The following COL4A3 variants were observed in gnomAD, a reference collection of about 807,000 sequenced individuals.
COL4A3 encodes collagen type IV alpha 3 chain, also known as collagen alpha-3(IV) chain.
In COL4A3, 135 loss-of-function variants were observed where a neutral mutation model predicts 217.4. That is an observed-to-expected ratio of 0.62 (90% CI 0.54 to 0.72). COL4A3 has a LOEUF of 0.72. Ranked by LOEUF, COL4A3 falls within the 30% of genes least tolerant of loss-of-function variation. COL4A3 has a pLI of 0.00. For synonymous variants in COL4A3, 690 were observed against 736.3 expected (o/e 0.94, Z 1.02); for missense variants, 1,868 against 2,119.9 (o/e 0.88, Z 2.33).
At chr2:227,247,459 G>A in intron 7 of COL4A3, 99 bp from the exon 8 acceptor site, 1 of 1,084,930 alleles carries the variant, frequency 9.2e-7, no homozygotes, top group South Asian at 1.2e-5. Context: ...GGTGTACAGT[G>A]GGGAGAGGAT....
chr2:227,270,935 G>A lies in COL4A3; in HGVS notation c.1741G>A (p.Gly581Arg). 1 of 1,614,092 alleles carries A rather than the reference G, an allele frequency of 6.2e-7. No homozygotes were observed. Among genetic ancestry groups the A allele is most frequent in the Non-Finnish European group, 8.5e-7 (1 of 1,180,006 alleles). The part of the protein sequence containing the change: ...PGTPGVKGLP[G>R]PKGELALSGE... ...AACTCCGGGAGTGAAAGGATTACCA[G>A]GACCTAAAGGCGAACTGGTTGGTAT... The change falls in exon 25 of 52, where the codon GGA becomes AGA. Residue 581 changes from glycine to arginine, a missense_variant. Gly to Arg is a moderately radical substitution (Grantham distance 125). Coordinates refer to ENST00000396578, the MANE Select transcript of COL4A3 (RefSeq NM_000091.5).
At chr2:227,285,867 C>T (rs1262556569) in intron 34 of COL4A3, among the ~76,000 whole-genome samples, 1 of 152,154 alleles carries the variant, frequency 6.6e-6, no homozygotes, top group Non-Finnish European at 1.5e-5. Flanking sequence ...CCAAGGGACA[C>T]AGATTGAAGA....
chr2:227,222,170 ATG>A (rs1559840008), intron 1 of COL4A3, among the ~76,000 whole-genome samples: 3,414 of 68,446 alleles, frequency 0.05, 62 homozygotes, highest in African/African-American at 0.089. Context: ...AATAATGATA[ATG>A]ATAATAAAAA....
At chr2:227,300,695 G>T (rs554477248) in intron 43 of COL4A3, among the ~76,000 whole-genome samples, 75 of 152,298 alleles carry the variant, frequency 4.9e-4, no homozygotes, top group African/African-American at 1.8e-3. Context: ...TAAAGTGAGG[G>T]TGATAGACAC....
rs529104524 is a variant in COL4A3, at chr2:227,246,038, G to A, written c.387+22G>A. The A allele has an allele frequency of 1.1e-4, 165 of 1,565,224 alleles. 1 individual carries two copies. The South Asian group carries it at 1.3e-3, about 13-fold the overall frequency. ...TAAGGTAAGTACTTTTCACACAGAAGATGATTAATAAATGCTTTGCTGAAT... is the reference window on the plus strand; with the variant it reads ...TAAGGTAAGTACTTTTCACACAGAAAATGATTAATAAATGCTTTGCTGAAT... On this transcript the variant is annotated intron_variant, in intron 6 of 51. Coordinates refer to ENST00000396578, the MANE Select transcript of COL4A3 (RefSeq NM_000091.5).
At chr2:227,260,436 C>G (rs567817062) in intron 19 of COL4A3, among the ~76,000 whole-genome samples, 1 of 152,290 alleles carries the variant, frequency 6.6e-6, no homozygotes, top group Admixed American at 6.5e-5. Context: ...ATTCTGATTT[C>G]ATTGTCTGGA....
chr2:227,266,659 T>C (rs1284640483), intron 22 of COL4A3, 150 bp downstream of exon 22: 1 of 727,276 alleles, frequency 1.4e-6, no homozygotes, highest in East Asian at 2.7e-5. Context: ...CATTTATCTG[T>C]AAATCAATAA....
intron 43 of COL4A3, among the ~76,000 whole-genome samples, chr2:227,299,603 A>G (rs1021801217): frequency 6.6e-6 from 1 of 152,222 alleles, no homozygotes; most frequent in Non-Finnish European, 1.5e-5. Context: ...CGTTAGTACA[A>G]GAGTACTATT....
intron 1 of COL4A3, among the ~76,000 whole-genome samples, chr2:227,223,491 C>T (rs1023349682): frequency 2.6e-5 from 4 of 151,806 alleles, no homozygotes; most frequent in East Asian, 2.0e-4. Flanking sequence ...CCCAGCACTT[C>T]GGGAGGCTGA....
chr2:227,213,730 C>T lies in COL4A3; in HGVS notation c.88-24238C>T, dbSNP rs534579451. The stretch of plus-strand genomic sequence containing the variant: ...CAGCCTGGTCAACATGGTGAAACCC[C>T]GTCTCTACCAAAAATACAAAAATTA... On this transcript the variant is annotated intron_variant, in intron 1 of 51. Transcript: ENST00000396578. 3.9e-3 allele frequency among the ~76,000 whole-genome samples: 593 copies of T among 151,874 alleles called. 3 individuals are homozygous for T. Among genetic ancestry groups the T allele is most frequent in the Non-Finnish European group, 6.5e-3 (441 of 67,932 alleles).
At chr2:227,302,424 C>T (rs2073324874) in intron 43 of COL4A3, among the ~76,000 whole-genome samples, 1 of 152,076 alleles carries the variant, frequency 6.6e-6, no homozygotes, top group Non-Finnish European at 1.5e-5. Context: ...CTACTATAAT[C>T]CCAGCACTTT....
intron 24 of COL4A3, 118 bp from the exon 25 acceptor site, chr2:227,270,652 G>T (rs897876085): frequency 1.5e-5 from 14 of 954,358 alleles, no homozygotes; most frequent in African/African-American, 3.3e-5. Flanking sequence ...GTGGACCAAA[G>T]AGTGTGTTGA....
Position 227,267,011 on chromosome 2 carries a change from G to C in COL4A3, c.1427G>C (p.Cys476Ser), listed in dbSNP as rs1041119510. Residue 476 changes from cysteine to serine, a missense_variant, in exon 23 of 52, where the codon TGT (cysteine) becomes TCT (serine). Cys to Ser is a moderately radical substitution (Grantham distance 112, BLOSUM62 -1). This residue lies in a region of COL4A3 where 1,503 missense variants were observed against 1,786.1 expected (regional missense o/e 0.84). Transcript: ENST00000396578. ...DGPKGEPGLLCTQCPYIPGPP... is the reference protein window; with the variant it reads ...DGPKGEPGLLSTQCPYIPGPP... ...ATTGCAGGAGAACCAGGCCTCCTGT[G>C]TACACAGTGCCCTTATATCCCAGGG... The C allele has an allele frequency of 5.1e-5, 83 of 1,613,744 alleles. No homozygotes were observed. The highest frequency in any genetic ancestry group is 6.7e-5 in the Non-Finnish European group (79 of 1,179,794).
chr2:227,304,025 G>T lies in COL4A3; in HGVS notation c.4034G>T (p.Arg1345Leu). 1 of 1,614,176 alleles carries T rather than the reference G, an allele frequency of 6.2e-7. No homozygotes were observed. The highest frequency in any genetic ancestry group is 8.5e-7 in the Non-Finnish European group (1 of 1,180,022). ...CTTATGTTTATGTCAACAGGTGTACGTGGAGACCCTGGCACACTTAAGATT... is the reference window on the plus strand; with the variant it reads ...CTTATGTTTATGTCAACAGGTGTACTTGGAGACCCTGGCACACTTAAGATT... ...PIGPKGPPGV[R>L]GDPGTLKIIS... The change falls in exon 46 of 52, where the codon CGT becomes CTT. Residue 1345 changes from arginine (R) to leucine (L), a missense_variant. Arg to Leu is a moderately radical substitution (Grantham distance 102). This residue lies in a region of COL4A3 where 1,503 missense variants were observed against 1,786.1 expected (regional missense o/e 0.84). Transcript: ENST00000396578.
intron 1 of COL4A3, among the ~76,000 whole-genome samples, chr2:227,201,350 G>A (rs899468101): frequency 1.3e-5 from 2 of 152,018 alleles, no homozygotes; most frequent in African/African-American, 4.8e-5. Context: ...GACATAGTTA[G>A]GTGGAATCAA....
At chr2:227,178,658 G>A (rs1427248674) in intron 1 of COL4A3, among the ~76,000 whole-genome samples, 1 of 151,696 alleles carries the variant, frequency 6.6e-6, no homozygotes, top group Non-Finnish European at 1.5e-5. Flanking sequence ...TTAGCCTCCT[G>A]AGTAGCTGGG....
rs1334535587 is a variant in COL4A3 at position 227,202,874 on chromosome 2, TATATAC to T, written c.88-35089_88-35084del. Among the ~76,000 whole-genome samples, 11 of 45,520 alleles carry T rather than the reference TATATAC, an allele frequency of 2.4e-4. 1 individual carries two copies. Among genetic ancestry groups the T allele is most frequent in the African/African-American group, 1.2e-3 (10 of 8,104 alleles). The allele number at this position is 45,520 out of a possible 152,430, so 29.9% of individuals were successfully genotyped here. A position where few individuals can be genotyped will look rare whatever the true frequency, so the allele number is the denominator to read the frequency against. On this transcript the variant is annotated intron_variant, in intron 1 of 51. Coordinates refer to ENST00000396578, the MANE Select transcript of COL4A3 (RefSeq NM_000091.5). The stretch of plus-strand genomic sequence containing the variant: ...ATGTGTATATATACATATATGTGTA[TATATAC>T]ATATGTGTATATATGTGTATATATG...
At position 227,293,298 on chromosome 2, in the gene COL4A3, T is replaced by G; in HGVS notation, c.3318T>G (p.Pro1106=). 1.2e-6 allele frequency: 2 copies of G among 1,613,798 alleles called. No individual in the cohort carries two copies. The highest frequency in any genetic ancestry group is 1.7e-6 in the Non-Finnish European group (2 of 1,180,008). ...PAGPEGAPGS[P]GSPGLPGKPG... ...GACCTGAGGGAGCCCCTGGAAGTCC[T>G]GGAAGTCCTGGCCTCCCAGGTAAGG... is the stretch of plus-strand genomic sequence containing the variant. Residue 1106 remains proline, a synonymous_variant, in exon 38 of 52, where the codon CCT becomes CCG. Coordinates refer to ENST00000396578, the MANE Select transcript of COL4A3 (RefSeq NM_000091.5).
intron 26 of COL4A3, among the ~76,000 whole-genome samples, chr2:227,275,168 T>G (rs1312694681): frequency 2.0e-5 from 3 of 147,960 alleles, no homozygotes; most frequent in African/African-American, 8.0e-5. Flanking sequence ...CACCAAATGC[T>G]CTGTTGTTGT....
Sources: allele counts gnomAD v4.1 joint callset (sites outside exome capture counted in the v4.1 genomes callset), GRCh38; gene constraint gnomAD v4.1.1; regional missense constraint gnomAD v4.1.1; transcripts MANE v1.5; gene names NCBI Gene and HGNC (gene_info 2026-07-23, HGNC 2026-07-21).